Variants in KCNMA1 observed in about 807,000 individuals in gnomAD.
The protein encoded by KCNMA1 is potassium calcium-activated channel subfamily M alpha 1, also known as Calcium-activated potassium channel subunit alpha-1.
Under a neutral mutation model 140.0 loss-of-function variants are expected in KCNMA1, and 29 were observed. The ratio of observed to expected loss-of-function variants is 0.21; its 90% CI spans 0.15 to 0.28. KCNMA1 has a LOEUF of 0.28. KCNMA1 is among the 10% of genes least tolerant of loss of function. KCNMA1 has a pLI of 1.00. For synonymous variants in KCNMA1, 612 were observed against 611.9 expected, an observed-to-expected ratio of 1.00 and a Z score of 0.00; for missense variants, 880 against 1,602.2, an observed-to-expected ratio of 0.55 and a Z score of 7.70.
At chr10:77,425,353 T>C (rs660465) in intron 1 of KCNMA1, among the ~76,000 whole-genome samples, 74,173 of 151,946 alleles carry the variant, frequency 0.49, 19,723 homozygotes, top group African/African-American at 0.7. Flanking sequence ...CTGCAGCACT[T>C]GAATTTAGGC....
rs1592371202 is a variant in KCNMA1, at chr10:76,971,984, T to TGG, written c.2267-1918_2267-1917insCC. Among the ~76,000 whole-genome samples the TGG allele has an allele frequency of 2.0e-5, 3 of 151,828 alleles. No homozygotes were observed. In the South Asian group the frequency reaches 6.2e-4, roughly 32 times the overall value. The stretch of plus-strand genomic sequence containing the variant: ...CAGCGAGGGTGTGTGGGTGTGTGTG[T>TGG]GTGTGTGTGTGTGTAGGTATGCTTT... On this transcript the variant is annotated intron_variant, in intron 19 of 27. Coordinates refer to ENST00000286628, the MANE Select transcript of KCNMA1 (RefSeq NM_001161352.2).
rs376796215 is a variant in KCNMA1 at position 76,914,302 on chromosome 10, C to T, written c.3016+634G>A. The T allele has an allele frequency of 4.4e-4, 273 of 618,332 alleles. 3 individuals carry two copies. In the South Asian group the frequency reaches 4.6e-3, roughly 10 times the overall value. The allele number at this position is 618,332 out of a possible 1,614,324, so 38.3% of individuals were successfully genotyped here. A position where few individuals can be genotyped will look rare whatever the true frequency, so the allele number is the denominator to read the frequency against. ...GAAGAGGCCACTCTACAGTTTTGCACACTCACTAATGGTAACAGGGAGTGC... is the reference window on the plus strand; with the variant it reads ...GAAGAGGCCACTCTACAGTTTTGCATACTCACTAATGGTAACAGGGAGTGC... On this transcript the variant is annotated intron_variant, in intron 24 of 27. Transcript: ENST00000286628.
At chr10:76,889,637 G>A (rs1183396207) in intron 26 of KCNMA1, 68 bp from the exon 27 acceptor site, 4 of 1,289,858 alleles carry the variant, frequency 3.1e-6, no homozygotes, top group African/African-American at 2.9e-5. Flanking sequence ...GGACAGCAGG[G>A]AAACGGGTCT....
At chr10:76,879,456 A>G (rs2033657024) in intron 29 of KCNMA1, among the ~76,000 whole-genome samples, 1 of 152,124 alleles carries the variant, frequency 6.6e-6, no homozygotes, top group South Asian at 2.1e-4. Context: ...TAACTGATTA[A>G]GTGCTTTAAA....
At chr10:77,176,136 G>T (rs908659383) in intron 5 of KCNMA1, among the ~76,000 whole-genome samples, 3 of 152,166 alleles carry the variant, frequency 2.0e-5, no homozygotes, top group Non-Finnish European at 2.9e-5. Flanking sequence ...ACAGAGAGAT[G>T]CTTGAGACTT....
chr10:76,900,366 A>G (rs2044608489), intron 25 of KCNMA1, among the ~76,000 whole-genome samples: 1 of 152,110 alleles, frequency 6.6e-6, no homozygotes, highest in African/African-American at 2.4e-5. Context: ...AAAATAATGC[A>G]TACCTGAACT....
intron 2 of KCNMA1, among the ~76,000 whole-genome samples, chr10:77,274,437 G>A (rs2066043052): frequency 6.6e-6 from 1 of 152,088 alleles, no homozygotes; most frequent in Admixed American, 6.6e-5. Flanking sequence ...CTACACAACT[G>A]AGCTAATCAT....
intron 2 of KCNMA1, among the ~76,000 whole-genome samples, chr10:77,362,565 C>T (rs1342490451): frequency 6.6e-6 from 1 of 151,982 alleles, no homozygotes; most frequent in Non-Finnish European, 1.5e-5. Context: ...AAGAGGAAAA[C>T]ACAGTGCCCA....
At position 77,108,429 on chromosome 10, in the gene KCNMA1, G is replaced by A. The variant is rs2097245675; in HGVS notation, c.1223+52C>T. 1 of 1,598,346 alleles carries A rather than the reference G, an allele frequency of 6.3e-7. No individual in the cohort carries two copies. Among genetic ancestry groups the A allele is most frequent in the Non-Finnish European group, 8.6e-7 (1 of 1,168,486 alleles). On this transcript the variant is annotated intron_variant, in intron 9 of 27. Coordinates refer to ENST00000286628, the MANE Select transcript of KCNMA1 (RefSeq NM_001161352.2). The surrounding 1 kb of genome is among the most constrained non-coding windows in gnomAD (Gnocchi z 4.6). The stretch of plus-strand genomic sequence containing the variant: ...AGCCAAAAAAAAAAAAAAATGGCAT[G>A]CAGAGAGGATTCTACCGCAGCAGAG...
At chr10:77,109,849 C>T (rs528446529) in intron 8 of KCNMA1, among the ~76,000 whole-genome samples, 31 of 152,312 alleles carry the variant, frequency 2.0e-4, no homozygotes, top group African/African-American at 6.7e-4. Context: ...GTCCTTGTAG[C>T]ATACCAGATG....
chr10:77,360,290 T>C (rs950992028), intron 2 of KCNMA1, among the ~76,000 whole-genome samples: 1 of 152,192 alleles, frequency 6.6e-6, no homozygotes, highest in Admixed American at 6.5e-5. Context: ...GTGGAGCTGA[T>C]GATTAGCAGG....
chr10:77,170,834 G>A (rs1372751741), intron 5 of KCNMA1, among the ~76,000 whole-genome samples: 4 of 152,172 alleles, frequency 2.6e-5, no homozygotes, highest in Admixed American at 2.0e-4. Context: ...CTTAGAAGGG[G>A]ATTACAAGTG....
intron 2 of KCNMA1, among the ~76,000 whole-genome samples, chr10:77,276,292 T>C (rs1332659229): frequency 2.0e-5 from 3 of 152,252 alleles, no homozygotes; most frequent in Non-Finnish European, 4.4e-5. Context: ...TGGAAGTTCC[T>C]GCAGGGGCCT....
chr10:77,245,674 G>C (rs889626290), intron 3 of KCNMA1, among the ~76,000 whole-genome samples: 7 of 152,136 alleles, frequency 4.6e-5, no homozygotes, highest in African/African-American at 1.7e-4. Context: ...CTCTAAAAGA[G>C]ATAAAAGAAT....
chr10:77,600,556 C>G lies in KCNMA1; in HGVS notation c.378+36709G>C, dbSNP rs576521059. 1.3e-4 allele frequency among the ~76,000 whole-genome samples: 20 copies of G among 152,314 alleles called. 1 individual carries two copies. Among genetic ancestry groups the G allele is most frequent in the Admixed American group, 1.3e-3 (20 of 15,302 alleles). ...CTGAGGTCGGCAGTTTGAGACCAGC[C>G]TGACCAACATGGAGAAACCCCATCT... On this transcript the variant is annotated intron_variant, in intron 1 of 27. Transcript: ENST00000286628.
chr10:77,306,281 C>T (rs1341437082), intron 2 of KCNMA1, among the ~76,000 whole-genome samples: 4 of 152,328 alleles, frequency 2.6e-5, no homozygotes, highest in East Asian at 3.9e-4. Context: ...ACATGGATAA[C>T]ACATGGGGGT....
At chr10:77,589,882 G>T (rs1047978286) in intron 1 of KCNMA1, among the ~76,000 whole-genome samples, 1 of 152,166 alleles carries the variant, frequency 6.6e-6, no homozygotes, top group Non-Finnish European at 1.5e-5. Context: ...ACTGCTGGCT[G>T]CGGCAGCCTG....
chr10:77,533,247 A>G (rs898435589), intron 1 of KCNMA1, among the ~76,000 whole-genome samples: 1 of 152,146 alleles, frequency 6.6e-6, no homozygotes, highest in African/African-American at 2.4e-5. Context: ...CAGGGGATTC[A>G]ACAAGGTCAG....
At chr10:77,199,997 C>G (rs900069173) in intron 3 of KCNMA1, among the ~76,000 whole-genome samples, 21 of 152,280 alleles carry the variant, frequency 1.4e-4, no homozygotes, top group Admixed American at 2.6e-4. Flanking sequence ...GTCACCCAGG[C>G]TGGAGTGCAG....
Sources: allele counts gnomAD v4.1 joint callset (sites outside exome capture counted in the v4.1 genomes callset), GRCh38; gene constraint gnomAD v4.1.1; non-coding constraint Gnocchi (gnomAD v3.1); transcripts MANE v1.5; gene names NCBI Gene and HGNC (gene_info 2026-07-23, HGNC 2026-07-21).